MON2: variants seen among roughly 807,000 people sequenced by gnomAD.
MON2 encodes the protein protein MON2 homolog.
A neutral mutation model predicts 208.6 loss-of-function variants in MON2; 84 were observed. The ratio of observed to expected loss-of-function variants is 0.40; its 90% confidence interval spans 0.34 to 0.48. The LOEUF (loss-of-function observed/expected upper bound fraction) is 0.48. MON2 is among the 20% of genes least tolerant of loss of function. The probability of loss-of-function intolerance (pLI) is 0.59; values close to 1 mark genes in which losing one functional copy is unlikely to be tolerated. For missense variants in MON2, 1,611 were observed against 2,015.4 expected, an observed-to-expected ratio of 0.80 and a Z score of 3.84; for synonymous variants, 660 against 694.0, an observed-to-expected ratio of 0.95 and a Z score of 0.77.
chr12:62,560,505 G>A lies in MON2; in HGVS notation c.3424G>A (p.Ala1142Thr). 1.2e-6 allele frequency: 2 copies of A among 1,605,210 alleles called. No individual in the cohort carries two copies. The highest frequency in any genetic ancestry group is 1.7e-6 in the Non-Finnish European group (2 of 1,177,660). The change falls in exon 26 of 35, where the codon GCT (alanine) becomes ACT (threonine). Residue 1142 changes from alanine to threonine, a missense_variant. Coordinates refer to ENST00000393630, the MANE Select transcript of MON2 (RefSeq NM_015026.3). Reference sequence around the variant, plus strand: ...TCCTAATATAGGAGATTTTTCAAGAGCTTGGGATGTTCTTCTTGACCATAT... The same window carrying A: ...TCCTAATATAGGAGATTTTTCAAGAACTTGGGATGTTCTTCTTGACCATAT... ...LLQPLGDFSR[A>T]WDVLLDHIQS...
intron 33 of MON2, 43 bp downstream of exon 33, chr12:62,585,544 C>T (rs772516059): frequency 7.0e-7 from 1 of 1,423,112 alleles, no homozygotes. Context: ...TATTGTTGTA[C>T]TAATTGTTGA....
At chr12:62,496,762 A>G (rs1344673509) in intron 4 of MON2, among the ~76,000 whole-genome samples, 4 of 152,226 alleles carry the variant, frequency 2.6e-5, no homozygotes, top group African/African-American at 9.6e-5. Context: ...AAATTCATTC[A>G]TAATGAACTA....
intron 7 of MON2, among the ~76,000 whole-genome samples, chr12:62,502,114 G>C (rs2070866586): frequency 6.6e-6 from 1 of 152,084 alleles, no homozygotes; most frequent in Non-Finnish European, 1.5e-5. Flanking sequence ...CAGCTACTCG[G>C]GAGGCTGAGG....
At chr12:62,589,580 A>G (rs2136505887) in intron 34 of MON2, among the ~76,000 whole-genome samples, 1 of 152,094 alleles carries the variant, frequency 6.6e-6, no homozygotes, top group South Asian at 2.1e-4. Context: ...AGTGTCCTGA[A>G]TTTATCCCAT....
intron 2 of MON2, among the ~76,000 whole-genome samples, chr12:62,487,259 A>G (rs1355285858): frequency 1.3e-5 from 2 of 152,132 alleles, no homozygotes; most frequent in Admixed American, 1.3e-4. Flanking sequence ...TACATTTATT[A>G]TATGAATATT....
chr12:62,532,908 T>C (rs1421155723), intron 12 of MON2, among the ~76,000 whole-genome samples: 2 of 152,206 alleles, frequency 1.3e-5, no homozygotes, highest in Admixed American at 6.5e-5. Context: ...TGTGTATTTT[T>C]TCAAAATAAG....
At chr12:62,538,051 T>C (rs372074800) in intron 16 of MON2, 45 bp from the exon 17 acceptor site, 211 of 1,532,210 alleles carry the variant, frequency 1.4e-4, no homozygotes, top group Non-Finnish European at 1.8e-4. Context: ...GGACCTTTTA[T>C]ACTTTTGTAA....
In MON2 at chr12:62,571,598, T is replaced by A. The variant is rs2074599104; in HGVS notation, c.4514+16T>A. The A allele has an allele frequency of 6.3e-7, 1 of 1,586,124 alleles. No individual in the cohort carries two copies. Among genetic ancestry groups the A allele is most frequent in the African/African-American group, 1.4e-5 (1 of 73,720 alleles). On this transcript the variant is annotated intron_variant, in intron 30 of 34. Coordinates refer to ENST00000393630, the MANE Select transcript of MON2 (RefSeq NM_015026.3). ...TTACTAAAAGGTCAGCTCATTCATT[T>A]TTAAAATTAAGACAAGAAGTGGCAC...
chr12:62,537,317 G>A, intron 15 of MON2, 54 bp downstream of exon 15: 1 of 1,252,562 alleles, frequency 8.0e-7, no homozygotes, highest in Non-Finnish European at 1.1e-6. Context: ...GAAACTTGTT[G>A]TACCTATCTT....
At chr12:62,576,343 G>A (rs1215217309) in intron 30 of MON2, among the ~76,000 whole-genome samples, 1 of 151,940 alleles carries the variant, frequency 6.6e-6, no homozygotes, top group African/African-American at 2.4e-5. Flanking sequence ...ACTGCTAATG[G>A]GTACAGATCT....
intron 29 of MON2, among the ~76,000 whole-genome samples, chr12:62,567,545 A>G (rs920912607): frequency 3.3e-5 from 5 of 152,180 alleles, no homozygotes; most frequent in Non-Finnish European, 7.3e-5. Flanking sequence ...CTAATGATTT[A>G]TCTTCCCTAT....
At chr12:62,562,302 C>CT (rs879758162) in intron 26 of MON2, among the ~76,000 whole-genome samples, 2,197 of 142,258 alleles carry the variant, frequency 0.015, 11 homozygotes, top group South Asian at 0.024. Flanking sequence ...AAACAAGAAA[C>CT]TTTTTTTTTT....
intron 1 of MON2, among the ~76,000 whole-genome samples, chr12:62,482,043 C>T (rs1361149110): frequency 6.6e-6 from 1 of 152,198 alleles, no homozygotes; most frequent in Non-Finnish European, 1.5e-5. Context: ...TAGGCCACTA[C>T]TGGTTCTGCT....
chr12:62,549,774 A>G lies in MON2; in HGVS notation c.2860A>G (p.Ser954Gly), dbSNP rs2073664085. 1 of 1,612,808 alleles carries G rather than the reference A, an allele frequency of 6.2e-7. No individual in the cohort carries two copies. The highest frequency in any genetic ancestry group is 8.5e-7 in the Non-Finnish European group (1 of 1,179,430). The stretch of plus-strand genomic sequence containing the variant: ...GCAAATAGTTGTAGATGTTGCAGGT[A>G]GCTTTGGCCTCCATAACCAAGAACT... ...CLQIVVDVAG[S>G]FGLHNQELNI... The change falls in exon 23 of 35, where the codon AGC becomes GGC. Residue 954 changes from serine (S) to glycine (G), a missense_variant. Transcript: ENST00000393630.
At chr12:62,525,825 C>T in intron 10 of MON2, 124 bp from the exon 11 acceptor site, 1 of 737,354 alleles carries the variant, frequency 1.4e-6, no homozygotes. Flanking sequence ...TCATTTATTT[C>T]TGCAATACCC....
intron 29 of MON2, among the ~76,000 whole-genome samples, chr12:62,568,583 C>T (rs989840704): frequency 6.6e-6 from 1 of 152,176 alleles, no homozygotes; most frequent in African/African-American, 2.4e-5. Context: ...AGGCAGTCCT[C>T]TAACCTCCTT....
chr12:62,502,199 G>A (rs941960716), intron 7 of MON2, among the ~76,000 whole-genome samples: 7 of 152,028 alleles, frequency 4.6e-5, no homozygotes, highest in East Asian at 1.9e-4. Flanking sequence ...CAGCCTAGGC[G>A]ACAGAGCAAG....
In MON2 at chr12:62,537,593, A is replaced by C. The variant is rs1457729008; in HGVS notation, c.2014-9A>C. 15 of 1,579,422 alleles carry C rather than the reference A, an allele frequency of 9.5e-6. No homozygotes were observed. In the East Asian group the frequency reaches 3.4e-4, roughly 36 times the overall value. On this transcript the variant is annotated splice_polypyrimidine_tract_variant and intron_variant, in intron 15 of 34. Coordinates refer to ENST00000393630, the MANE Select transcript of MON2 (RefSeq NM_015026.3). ...CAATTATTGAAAATGTATCCTTTTT[A>C]AAATATAGCTGACTTCCAAAAATAT...
At chr12:62,548,041 C>G (rs1229447596) in intron 22 of MON2, among the ~76,000 whole-genome samples, 2 of 151,992 alleles carry the variant, frequency 1.3e-5, no homozygotes, top group Non-Finnish European at 2.9e-5. Flanking sequence ...AGGACAGAGG[C>G]AAAATTATGA....
Sources: gnomAD v4.1 joint callset for allele counts (sites outside exome capture counted in the v4.1 genomes callset) on GRCh38, gnomAD v4.1.1 for gene constraint, MANE v1.5 for transcripts, NCBI Gene and HGNC (gene_info 2026-07-23, HGNC 2026-07-21) for gene names.